Variants in GOLM2 observed in about 807,000 individuals in gnomAD.
GOLM2 encodes the protein golgi membrane protein 2, also known as protein GOLM2.
GOLM2 carries 26 observed loss-of-function variants against 55.9 expected under a neutral mutation model. The observed-to-expected ratio is 0.47, with a 90% CI of 0.34 to 0.65. GOLM2 has a LOEUF of 0.65. GOLM2 is among the 30% of genes least tolerant of loss of function. The probability of loss-of-function intolerance (pLI) is 0.01; values close to 1 mark genes in which losing one functional copy is unlikely to be tolerated. For missense variants in GOLM2, 486 were observed against 531.8 expected, an observed-to-expected ratio of 0.91 and a Z score of 0.85; for synonymous variants, 165 against 194.6, an observed-to-expected ratio of 0.85 and a Z score of 1.27.
intron 6 of GOLM2, among the ~76,000 whole-genome samples, chr15:44,341,691 A>ATTTTT (rs752182459): frequency 8.3e-5 from 10 of 120,856 alleles, no homozygotes; most frequent in East Asian, 2.4e-4. Context: ...ATTTTATTAG[A>ATTTTT]TTTTTTTTTT....
At chr15:44,338,515 T>A (rs987615213) in intron 6 of GOLM2, among the ~76,000 whole-genome samples, 198 bp downstream of exon 6, 2 of 152,198 alleles carry the variant, frequency 1.3e-5, no homozygotes, top group African/African-American at 4.8e-5. Flanking sequence ...ATGTATAAAA[T>A]ACTTGTTTTT....
intron 3 of GOLM2, among the ~76,000 whole-genome samples, chr15:44,330,672 A>G (rs2079017404): frequency 6.6e-6 from 1 of 152,122 alleles, no homozygotes; most frequent in African/African-American, 2.4e-5. Context: ...TTGAGGCTAC[A>G]GTGAACCATA....
intron 2 of GOLM2, among the ~76,000 whole-genome samples, chr15:44,326,634 T>A (rs2078982782): frequency 6.6e-6 from 1 of 150,960 alleles, no homozygotes; most frequent in African/African-American, 2.4e-5. Flanking sequence ...CTGCTTTTTA[T>A]TTTTATTTTT....
At chr15:44,354,379 A>G (rs1179952033) in intron 6 of GOLM2, among the ~76,000 whole-genome samples, 1 of 152,012 alleles carries the variant, frequency 6.6e-6, no homozygotes, top group African/African-American at 2.4e-5. Context: ...CAGCACACCA[A>G]CATGGCACAT....
chr15:44,344,255 T>C (rs1337207616), intron 6 of GOLM2, among the ~76,000 whole-genome samples: 5 of 142,418 alleles, frequency 3.5e-5, no homozygotes, highest in African/African-American at 1.1e-4. Context: ...CGAGACCCTG[T>C]CTCAAAAAAA....
At chr15:44,384,860 G>A (rs922958694) in intron 8 of GOLM2, among the ~76,000 whole-genome samples, 2 of 151,562 alleles carry the variant, frequency 1.3e-5, no homozygotes, top group African/African-American at 4.9e-5. Flanking sequence ...AGTGAGCTGA[G>A]GTCACGCCAC....
At chr15:44,347,049 AG>A (rs1443791689) in intron 6 of GOLM2, among the ~76,000 whole-genome samples, 1 of 152,154 alleles carries the variant, frequency 6.6e-6, no homozygotes, top group East Asian at 1.9e-4. Flanking sequence ...ACATGAGCCC[AG>A]GAGTTCGAGA....
intron 8 of GOLM2, among the ~76,000 whole-genome samples, chr15:44,386,363 G>T (rs1416091417): frequency 6.6e-6 from 1 of 152,150 alleles, no homozygotes; most frequent in Non-Finnish European, 1.5e-5. Flanking sequence ...GTTTATTTCT[G>T]AATTATAAGT....
At chr15:44,319,789 A>G (rs2078936786) in intron 1 of GOLM2, among the ~76,000 whole-genome samples, 1 of 151,580 alleles carries the variant, frequency 6.6e-6, no homozygotes, top group African/African-American at 2.4e-5. Flanking sequence ...GGATTTTGCC[A>G]TGTTGCCCAG....
At chr15:44,303,428 A>G (rs986234808) in intron 1 of GOLM2, among the ~76,000 whole-genome samples, 9 of 152,210 alleles carry the variant, frequency 5.9e-5, no homozygotes, top group African/African-American at 1.9e-4. Flanking sequence ...GTAGATCTAG[A>G]ATAATATTTT....
chr15:44,290,159 A>T (rs553801935), intron 1 of GOLM2, among the ~76,000 whole-genome samples: 2 of 152,366 alleles, frequency 1.3e-5, no homozygotes, highest in Non-Finnish European at 1.5e-5. Flanking sequence ...TTTTAAATAT[A>T]AAAAGTTTAA....
At chr15:44,404,910 T>G (rs904476213) in intron 9 of GOLM2, among the ~76,000 whole-genome samples, 4 of 152,232 alleles carry the variant, frequency 2.6e-5, no homozygotes, top group Admixed American at 2.0e-4. Context: ...GTTTACACTT[T>G]CAATATTCTC....
rs139068177 is a variant in GOLM2, at chr15:44,328,732, C to T, written c.430C>T (p.Leu144Phe). 5.2e-5 allele frequency: 84 copies of T among 1,613,120 alleles called. No homozygotes were observed. Among genetic ancestry groups the T allele is most frequent in the Admixed American group, 1.2e-4 (7 of 59,838 alleles). ...GGAATTTCTTCGACAAGAAGACCAG[C>T]TTCAGGACTATAGGAAGAACAATAC... ...RQEFLRQEDQ[L>F]QDYRKNNTYL... is the part of the protein sequence containing the mutation. Residue 144 changes from leucine (L) to phenylalanine (F), a missense_variant, in exon 3 of 10, where the codon CTT (leucine) becomes TTT (phenylalanine). Transcript: ENST00000299957.
At chr15:44,374,468 G>T (rs1428504104) in intron 6 of GOLM2, among the ~76,000 whole-genome samples, 1 of 151,902 alleles carries the variant, frequency 6.6e-6, no homozygotes, top group Non-Finnish European at 1.5e-5. Flanking sequence ...GGGCAATATA[G>T]TGAGACCCCA....
chr15:44,292,486 G>C (rs1016789385), intron 1 of GOLM2, among the ~76,000 whole-genome samples: 2 of 152,016 alleles, frequency 1.3e-5, no homozygotes, highest in African/African-American at 4.8e-5. Flanking sequence ...GTGAGCCACC[G>C]CACCCGGCTA....
chr15:44,365,293 A>G (rs959470955), intron 6 of GOLM2, among the ~76,000 whole-genome samples: 1 of 152,140 alleles, frequency 6.6e-6, no homozygotes, highest in Non-Finnish European at 1.5e-5. Context: ...TTGGGAGGCC[A>G]AAGTTGACAG....
chr15:44,310,438 T>TTCTCTCTCTCTCTCTCTCTCTC lies in GOLM2; in HGVS notation c.328-12510_328-12509insCTCTCTCTCTCTCTCTCTCTCT, dbSNP rs778563022. On this transcript the variant is annotated intron_variant, in intron 1 of 9. Transcript: ENST00000299957. ...TGGGCAACATAGTGAGAGTCTCTCTTTCTCTCTCTCTCTCTCTATATATAT... is the reference window on the plus strand; with the variant it reads ...TGGGCAACATAGTGAGAGTCTCTCTTTCTCTCTCTCTCTCTCTCTCTCTCTCTCTCTCTCTCTCTATATATAT... Among the ~76,000 whole-genome samples, 19 of 136,618 alleles carry TTCTCTCTCTCTCTCTCTCTCTC rather than the reference T, an allele frequency of 1.4e-4. 1 individual carries two copies. The highest frequency in any genetic ancestry group is 4.9e-4 in the East Asian group (2 of 4,064). 89.6% of individuals were successfully genotyped at this position (136,618 alleles called of 152,430 possible).
At chr15:44,410,532 C>A (rs1373616568) in intron 9 of GOLM2, among the ~76,000 whole-genome samples, 2 of 151,968 alleles carry the variant, frequency 1.3e-5, no homozygotes, top group African/African-American at 4.8e-5. Context: ...CAGGCTTTAA[C>A]ACATATTAAG....
chr15:44,381,616 G>T, intron 8 of GOLM2, among the ~76,000 whole-genome samples: 1 of 151,978 alleles, frequency 6.6e-6, no homozygotes, highest in South Asian at 2.1e-4. Flanking sequence ...GTTTGTCTTT[G>T]GTTTATTTAT....
Sources: gnomAD v4.1 joint callset for allele counts (sites outside exome capture counted in the v4.1 genomes callset) on GRCh38, gnomAD v4.1.1 for gene constraint, MANE v1.5 for transcripts, NCBI Gene and HGNC (gene_info 2026-07-23, HGNC 2026-07-21) for gene names.